Variants in LRRC63 observed in about 807,000 individuals in gnomAD.
LRRC63 encodes the protein leucine-rich repeat-containing protein 63.
Under a neutral mutation model 49.5 loss-of-function variants are expected in LRRC63, and 40 were observed. That is an observed-to-expected ratio of 0.81 (90% CI 0.63 to 1.05). The LOEUF is 1.05. Among genes scored for constraint, LRRC63 ranks in the 50% least tolerant of loss-of-function variants. The pLI is 0.00. For synonymous variants in LRRC63, 191 were observed against 221.1 expected, an observed-to-expected ratio of 0.86 and a Z score of 1.21; for missense variants, 636 against 663.1, an observed-to-expected ratio of 0.96 and a Z score of 0.45.
At chr13:46,219,755 T>C (rs185838024) in intron 2 of LRRC63, among the ~76,000 whole-genome samples, 18 of 152,358 alleles carry the variant, frequency 1.2e-4, no homozygotes, top group African/African-American at 4.3e-4. Context: ...CCTTTGGTCT[T>C]TGATGTTGGT....
At chr13:46,213,469 G>T (rs1354854450) in intron 2 of LRRC63, among the ~76,000 whole-genome samples, 2 of 152,178 alleles carry the variant, frequency 1.3e-5, no homozygotes, top group East Asian at 3.9e-4. Flanking sequence ...TCTTGTTTCA[G>T]CTCTCATATT....
At chr13:46,251,102 T>A (rs1472006746) in intron 7 of LRRC63, among the ~76,000 whole-genome samples, 1 of 151,848 alleles carries the variant, frequency 6.6e-6, no homozygotes, top group African/African-American at 2.4e-5. Flanking sequence ...CTTATTCCAA[T>A]CAGAGTTTAA....
chr13:46,274,418 T>G (rs1321089382), intron 9 of LRRC63, among the ~76,000 whole-genome samples: 1 of 152,188 alleles, frequency 6.6e-6, no homozygotes, highest in Non-Finnish European at 1.5e-5. Flanking sequence ...TGTCCTACTT[T>G]CGCTGAGTTC....
intron 7 of LRRC63, among the ~76,000 whole-genome samples, chr13:46,255,950 T>C (rs2047501428): frequency 6.6e-6 from 1 of 152,188 alleles, no homozygotes; most frequent in African/African-American, 2.4e-5. Flanking sequence ...TTATAAAAGT[T>C]GATTGATACA....
chr13:46,276,826 G>GTATATATATATATATATA (rs752992115), exon 10 of LRRC63: 121 of 165,268 alleles, frequency 7.3e-4, no homozygotes, highest in Admixed American at 1.4e-3. Context: ...TCGTATGTGT[G>GTATATATATATATATATA]TGTATATATA....
intron 8 of LRRC63, among the ~76,000 whole-genome samples, chr13:46,266,529 C>G (rs2047686281): frequency 6.6e-6 from 1 of 152,140 alleles, no homozygotes; most frequent in Non-Finnish European, 1.5e-5. Flanking sequence ...GCTATTCACT[C>G]AAAGGCACTT....
rs1429121699 is a variant in LRRC63 at position 46,214,264 on chromosome 13, C to G, written c.85+1145C>G. Among the ~76,000 whole-genome samples the G allele has an allele frequency of 4.6e-5, 7 of 152,240 alleles. No homozygotes were observed. The East Asian group carries it at 1.3e-3, about 29-fold the overall frequency. Reference sequence around the variant, plus strand: ...TAATGTTAAATTATCATCTTTTGACCTATGGCTATTAACAGTAGGTAACTC... The same window carrying G: ...TAATGTTAAATTATCATCTTTTGACGTATGGCTATTAACAGTAGGTAACTC... On this transcript the variant is annotated intron_variant, in intron 2 of 9. Transcript: ENST00000595396.
At chr13:46,222,001 G>A (rs2046419551) in intron 2 of LRRC63, among the ~76,000 whole-genome samples, 1 of 152,164 alleles carries the variant, frequency 6.6e-6, no homozygotes, top group African/African-American at 2.4e-5. Flanking sequence ...CTTTTTCTCT[G>A]CATCCTCACT....
At chr13:46,216,586 A>G (rs1226803247) in intron 2 of LRRC63, among the ~76,000 whole-genome samples, 1 of 149,810 alleles carries the variant, frequency 6.7e-6, no homozygotes, top group Non-Finnish European at 1.5e-5. Flanking sequence ...GACTTCCTCT[A>G]CCCTTTATTG....
intron 2 of LRRC63, among the ~76,000 whole-genome samples, chr13:46,218,638 GTTA>G (rs2046321846): frequency 6.6e-6 from 1 of 152,166 alleles, no homozygotes; most frequent in South Asian, 2.1e-4. Context: ...ATTTGATCCT[GTTA>G]TTATGATGCT....
intron 2 of LRRC63, among the ~76,000 whole-genome samples, chr13:46,213,896 C>A (rs889307598): frequency 6.6e-6 from 1 of 151,958 alleles, no homozygotes; most frequent in Non-Finnish European, 1.5e-5. Context: ...TAACAAGGAC[C>A]GAATATATTT....
At chr13:46,259,582 G>C (rs958546) in intron 7 of LRRC63, among the ~76,000 whole-genome samples, 44,708 of 152,016 alleles carry the variant, frequency 0.29, 6,730 homozygotes, top group East Asian at 0.35. Context: ...TTTGAAAGCC[G>C]TGTCTTAACA....
intron 9 of LRRC63, among the ~76,000 whole-genome samples, chr13:46,274,827 CTTAT>C (rs765103279): frequency 2.6e-5 from 4 of 152,024 alleles, no homozygotes; most frequent in Non-Finnish European, 5.9e-5. Flanking sequence ...TATCCATCAC[CTTAT>C]TTATCATTTC....
At chr13:46,251,530 C>T (rs1246023514) in intron 7 of LRRC63, among the ~76,000 whole-genome samples, 1 of 151,730 alleles carries the variant, frequency 6.6e-6, no homozygotes, top group African/African-American at 2.4e-5. Flanking sequence ...ATCCTGTTTC[C>T]TTTTATTAGA....
At chr13:46,233,092 C>T (rs999757674) in intron 4 of LRRC63, among the ~76,000 whole-genome samples, 3 of 152,162 alleles carry the variant, frequency 2.0e-5, no homozygotes, top group African/African-American at 7.2e-5. Context: ...GGGTGTCTTC[C>T]ATGTCATGCT....
At chr13:46,269,809 ATAG>A (rs1183603013) in intron 9 of LRRC63, among the ~76,000 whole-genome samples, 1 of 148,188 alleles carries the variant, frequency 6.7e-6, no homozygotes, top group Non-Finnish European at 1.5e-5. Context: ...TTATATATAT[ATAG>A]TAGTCGCTAT....
chr13:46,231,865 G>C (rs2046770033), intron 4 of LRRC63, among the ~76,000 whole-genome samples: 1 of 140,724 alleles, frequency 7.1e-6, no homozygotes, highest in African/African-American at 2.7e-5. Flanking sequence ...ACCCAGGCTG[G>C]AGAGCTGTGG....
intron 7 of LRRC63, among the ~76,000 whole-genome samples, chr13:46,257,624 T>C (rs2047535300): frequency 6.6e-6 from 1 of 152,176 alleles, no homozygotes; most frequent in Admixed American, 6.5e-5. Flanking sequence ...ATAGCTAAGG[T>C]AGGCCTTATT....
intron 7 of LRRC63, among the ~76,000 whole-genome samples, chr13:46,259,441 C>T (rs550699940): frequency 4.6e-5 from 7 of 152,036 alleles, no homozygotes; most frequent in Non-Finnish European, 7.4e-5. Context: ...AGAAAAATGA[C>T]ATAGGAAATA....
Sources: allele counts gnomAD v4.1 joint callset (sites outside exome capture counted in the v4.1 genomes callset), GRCh38; gene constraint gnomAD v4.1.1; transcripts MANE v1.5; gene names NCBI Gene and HGNC (gene_info 2026-07-23, HGNC 2026-07-21).